The following PRLR variants were observed in gnomAD, a reference collection of about 807,000 sequenced individuals.
PRLR encodes the protein prolactin receptor.
A neutral mutation model predicts 40.2 loss-of-function variants in PRLR; 13 were observed. That is an observed-to-expected ratio of 0.32 (90% CI 0.21 to 0.51). The LOEUF (loss-of-function observed/expected upper bound fraction) is 0.51, where lower values mean the gene tolerates loss of function less well. PRLR is among the 20% of genes least tolerant of loss of function. The pLI, the probability that PRLR is intolerant of heterozygous loss-of-function variation, is 0.97. For missense variants in PRLR, 656 were observed against 747.3 expected, an observed-to-expected ratio of 0.88 and a Z score of 1.42; for synonymous variants, 269 against 278.7, an observed-to-expected ratio of 0.97 and a Z score of 0.35.
chr5:35,105,002 G>A (rs1013010121), intron 2 of PRLR, among the ~76,000 whole-genome samples: 2 of 152,250 alleles, frequency 1.3e-5, no homozygotes, highest in Middle Eastern at 3.4e-3. Flanking sequence ...ATACACGCAG[G>A]TGCCCCTCTG....
chr5:35,053,065 C>T (rs968618591), downstream of PRLR, among the ~76,000 whole-genome samples: 1 of 152,150 alleles, frequency 6.6e-6, no homozygotes, highest in African/African-American at 2.4e-5. Context: ...TTTCCTTTCC[C>T]CTCTACAACA....
At chr5:35,113,619 G>A (rs776618378) in intron 2 of PRLR, among the ~76,000 whole-genome samples, 41 of 152,246 alleles carry the variant, frequency 2.7e-4, no homozygotes, top group Admixed American at 1.3e-4. Context: ...CTGTGATGCA[G>A]GGGTAGGGTC....
Position 35,056,718 on chromosome 5 carries a change from A to G in PRLR, c.*8371T>C, listed in dbSNP as rs2112334493. 6.6e-6 allele frequency: 1 copy of G among 152,302 alleles called. No homozygotes were observed. Among genetic ancestry groups the G allele is most frequent in the South Asian group, 2.1e-4 (1 of 4,830 alleles). The allele number at this position is 152,302 out of a possible 1,614,324, so 9.4% of individuals were successfully genotyped here. A position where few individuals can be genotyped will look rare whatever the true frequency, so the allele number is the denominator to read the frequency against. ...CTGTGTCTGGTGACTGAGACTTCAA[A>G]TTTTGCACCTTAAAAATATAAGAGG... On this transcript the variant is annotated 3_prime_UTR_variant, in exon 10 of 10. Coordinates refer to ENST00000618457, the MANE Select transcript of PRLR (RefSeq NM_000949.7).
chr5:35,076,341 A>G (rs1415133810), intron 5 of PRLR, among the ~76,000 whole-genome samples: 1 of 152,226 alleles, frequency 6.6e-6, no homozygotes, highest in African/African-American at 2.4e-5. Flanking sequence ...AGCATAGAGA[A>G]GACCTTAAAT....
At chr5:35,052,545 C>T (rs896378841), downstream of PRLR, among the ~76,000 whole-genome samples, 6 of 152,164 alleles carry the variant, frequency 3.9e-5, no homozygotes, top group Non-Finnish European at 8.8e-5. Context: ...AGAGCCTGGC[C>T]ATAGAAACTG....
Position 35,066,073 on chromosome 5 carries a change from G to A in PRLR, c.885C>T (p.Ala295=). 1.2e-6 allele frequency: 2 copies of A among 1,614,010 alleles called. No homozygotes were observed. The highest frequency in any genetic ancestry group is 1.1e-5 in the South Asian group (1 of 91,072). The change falls in exon 10 of 10, where the codon GCC becomes GCT. Residue 295 remains alanine (A), a synonymous_variant. Transcript: ENST00000618457. ...EKGKSEELLS[A]LGCQDFPPTS... ...TGGGAGGAAAGTCTTGGCATCCCAA[G>A]GCACTCAGTAGTTCTTCAGACTTGC... is the stretch of plus-strand genomic sequence containing the variant.
At chr5:35,120,921 G>A (rs1399569367) in intron 1 of PRLR, among the ~76,000 whole-genome samples, 1 of 152,192 alleles carries the variant, frequency 6.6e-6, no homozygotes, top group African/African-American at 2.4e-5. Flanking sequence ...TAGTACAAAA[G>A]CAGCCGTAGA....
At chr5:35,227,974 G>C (rs1776592809) in intron 1 of PRLR, among the ~76,000 whole-genome samples, 1 of 152,102 alleles carries the variant, frequency 6.6e-6, no homozygotes, top group South Asian at 2.1e-4. Flanking sequence ...TGCTCTCCTT[G>C]ACACTGCACA....
intron 1 of PRLR, among the ~76,000 whole-genome samples, chr5:35,150,710 T>G (rs910882404): frequency 6.6e-6 from 1 of 152,064 alleles, no homozygotes; most frequent in African/African-American, 2.4e-5. Context: ...TGACTGACAG[T>G]AGTGCATGAA....
chr5:35,105,753 G>A (rs1320930169), intron 2 of PRLR, among the ~76,000 whole-genome samples: 1 of 152,184 alleles, frequency 6.6e-6, no homozygotes, highest in Non-Finnish European at 1.5e-5. Context: ...TGTCTGATTG[G>A]TGTACCTGAA....
intron 2 of PRLR, among the ~76,000 whole-genome samples, chr5:35,115,238 A>G (rs936378889): frequency 6.6e-6 from 1 of 152,194 alleles, no homozygotes; most frequent in Non-Finnish European, 1.5e-5. Context: ...TCAATATCCC[A>G]ATCGTTTCAG....
chr5:35,104,452 G>A (rs193286064), intron 2 of PRLR, among the ~76,000 whole-genome samples: 66 of 152,162 alleles, frequency 4.3e-4, no homozygotes, highest in East Asian at 2.9e-3. Context: ...GTAAGGGGTC[G>A]GGAAATTCCC....
At chr5:35,114,104 T>G (rs1405009480) in intron 2 of PRLR, among the ~76,000 whole-genome samples, 1 of 152,018 alleles carries the variant, frequency 6.6e-6, no homozygotes, top group East Asian at 1.9e-4. Context: ...CAGCTTGGAG[T>G]TGGATGTGAA....
rs185092638 is a variant in PRLR at position 35,209,707 on chromosome 5, C to T, written c.-106+20561G>A. Among the ~76,000 whole-genome samples the T allele has an allele frequency of 1.6e-3, 241 of 152,308 alleles. 1 individual carries two copies. Among genetic ancestry groups the T allele is most frequent in the Admixed American group, 2.3e-3 (35 of 15,298 alleles). On this transcript the variant is annotated intron_variant, in intron 1 of 9. Transcript: ENST00000618457. Reference sequence around the variant, plus strand: ...GGAGTGTCAATCAAGCTGTGTGGCACAATATTCATTTCCACGATCCAGAAG... The same window carrying T: ...GGAGTGTCAATCAAGCTGTGTGGCATAATATTCATTTCCACGATCCAGAAG...
Position 35,057,267 on chromosome 5 carries a change from A to G in PRLR, c.*7822T>C, listed in dbSNP as rs575749383. The G allele has an allele frequency of 2.0e-5, 3 of 152,276 alleles. No homozygotes were observed. Among genetic ancestry groups the G allele is most frequent in the East Asian group, 3.9e-4 (2 of 5,190 alleles). 9.4% of individuals were successfully genotyped at this position (152,276 alleles called of 1,614,324 possible). A position where few individuals can be genotyped will look rare whatever the true frequency, so the allele number is the denominator to read the frequency against. On this transcript the variant is annotated 3_prime_UTR_variant, in exon 10 of 10. Transcript: ENST00000618457. The stretch of plus-strand genomic sequence containing the variant: ...AGGAAGGGTGGACATAAAGGGGAAG[A>G]ATTTTTTTTGTCCAACTTACATAAA...
intron 1 of PRLR, among the ~76,000 whole-genome samples, chr5:35,167,517 C>A (rs1774875615): frequency 6.6e-6 from 1 of 151,546 alleles, no homozygotes; most frequent in Non-Finnish European, 1.5e-5. Context: ...GTTCTATAGG[C>A]CAAAAGGAGG....
intron 2 of PRLR, among the ~76,000 whole-genome samples, chr5:35,109,210 A>C (rs893274085): frequency 6.6e-6 from 1 of 152,200 alleles, no homozygotes; most frequent in Non-Finnish European, 1.5e-5. Context: ...TTACACAAAA[A>C]TTAACTCAAG....
chr5:35,203,017 T>A (rs1021271217), intron 1 of PRLR, among the ~76,000 whole-genome samples: 1 of 152,092 alleles, frequency 6.6e-6, no homozygotes, highest in African/African-American at 2.4e-5. Context: ...CTTAGACAGG[T>A]TGTAAATCCC....
intron 1 of PRLR, among the ~76,000 whole-genome samples, chr5:35,207,523 A>T (rs1234483961): frequency 1.3e-5 from 2 of 152,182 alleles, no homozygotes; most frequent in African/African-American, 2.4e-5. Flanking sequence ...GTGGGAAAAC[A>T]TTCAATGCTT....
Sources: allele counts gnomAD v4.1 joint callset (sites outside exome capture counted in the v4.1 genomes callset), GRCh38; gene constraint gnomAD v4.1.1; transcripts MANE v1.5; gene names NCBI Gene and HGNC (gene_info 2026-07-23, HGNC 2026-07-21).